Variants in DNAH14 observed in about 807,000 individuals in gnomAD.
DNAH14 encodes the protein axonemal beta dynein heavy chain 14.
Under a neutral mutation model 520.9 loss-of-function variants are expected in DNAH14, and 478 were observed. The observed-to-expected ratio is 0.92, with a 90% CI of 0.85 to 0.99. The LOEUF (loss-of-function observed/expected upper bound fraction) is 0.99. DNAH14 is among the 50% of genes least tolerant of loss of function. The probability of loss-of-function intolerance (pLI) is 0.00; values close to 1 mark genes in which losing one functional copy is unlikely to be tolerated. For synonymous variants in DNAH14, 1,581 were observed against 1,757.2 expected (o/e 0.90, Z 2.51); for missense variants, 4,831 against 5,234.5 (o/e 0.92, Z 2.38).
In DNAH14 at chr1:225,020,596, G is replaced by A. The variant is rs1282829512; in HGVS notation, c.1108-3019G>A. On this transcript the variant is annotated intron_variant, in intron 10 of 85. Coordinates refer to ENST00000682510, the MANE Select transcript of DNAH14 (RefSeq NM_001367479.1). ...GAAATTAAATTCCTGGAAACACATAGCCTCCCAAGATTAAACCAGGAAGAA... is the reference window on the plus strand; with the variant it reads ...GAAATTAAATTCCTGGAAACACATAACCTCCCAAGATTAAACCAGGAAGAA... Among the ~76,000 whole-genome samples the A allele has an allele frequency of 2.0e-5, 3 of 149,480 alleles. No homozygotes were observed. The Admixed American group carries it at 2.0e-4, about 10-fold the overall frequency.
chr1:225,233,943 C>G (rs1231690290), intron 42 of DNAH14, among the ~76,000 whole-genome samples: 1 of 152,134 alleles, frequency 6.6e-6, no homozygotes, highest in Non-Finnish European at 1.5e-5. Context: ...AGTCTTTAAT[C>G]TATCTTGAGT....
intron 8 of DNAH14, among the ~76,000 whole-genome samples, chr1:224,986,318 T>TAAAAAAAAAA (rs59261709): frequency 1.0e-4 from 9 of 87,838 alleles, no homozygotes; most frequent in South Asian, 7.4e-4. Flanking sequence ...AAAGGCTTAT[T>TAAAAAAAAAA]AAAAAAAAAA....
chr1:224,964,502 A>G lies in DNAH14; in HGVS notation c.391A>G (p.Arg131Gly), dbSNP rs2061035207. The change falls in exon 5 of 86, where the codon AGA becomes GGA. Residue 131 changes from arginine (R) to glycine (G), a missense_variant. Transcript: ENST00000682510. ...AGAACCAAAAGATGATGATGTGATAAGAAATATTATTAGGCTACGAGAAAA... is the reference window on the plus strand; with the variant it reads ...AGAACCAAAAGATGATGATGTGATAGGAAATATTATTAGGCTACGAGAAAA... The part of the protein sequence containing the change: ...RTEPKDDDVI[R>G]NIIRLREKLG... 1.2e-6 allele frequency: 2 copies of G among 1,609,178 alleles called. No individual in the cohort carries two copies. The highest frequency in any genetic ancestry group is 1.7e-4 in the Middle Eastern group (1 of 6,052).
intron 74 of DNAH14, among the ~76,000 whole-genome samples, chr1:225,360,064 G>A (rs1160869973): frequency 6.6e-6 from 1 of 152,148 alleles, no homozygotes; most frequent in African/African-American, 2.4e-5. Flanking sequence ...TGTTCTCATT[G>A]CTCAGTTCCC....
intron 1 of DNAH14, among the ~76,000 whole-genome samples, chr1:224,947,936 AGT>A (rs2059948235): frequency 6.6e-6 from 1 of 152,084 alleles, no homozygotes; most frequent in African/African-American, 2.4e-5. Flanking sequence ...GTTGACTTAC[AGT>A]ATGATCCAGT....
chr1:225,306,495 G>A (rs1032313883), intron 58 of DNAH14, among the ~76,000 whole-genome samples: 1 of 152,164 alleles, frequency 6.6e-6, no homozygotes, highest in African/African-American at 2.4e-5. Context: ...CTACAGGCAA[G>A]CGTCAAGAGA....
chr1:225,041,735 C>T (rs2067498355), intron 12 of DNAH14, among the ~76,000 whole-genome samples: 1 of 47,920 alleles, frequency 2.1e-5, no homozygotes. Context: ...TGATTTAATG[C>T]AAAATATTTA....
At chr1:225,291,215 T>C (rs554043490) in intron 55 of DNAH14, among the ~76,000 whole-genome samples, 6 of 152,288 alleles carry the variant, frequency 3.9e-5, no homozygotes, top group African/African-American at 1.4e-4. Context: ...ATGGCTGAAT[T>C]GTATTTTATG....
At chr1:225,027,443 T>C (rs1248679876) in intron 11 of DNAH14, among the ~76,000 whole-genome samples, 1 of 152,120 alleles carries the variant, frequency 6.6e-6, no homozygotes, top group Non-Finnish European at 1.5e-5. Context: ...ATTAGTTTGT[T>C]GTCATATTGT....
At chr1:224,983,143 G>A (rs1262539194) in intron 8 of DNAH14, among the ~76,000 whole-genome samples, 1 of 152,068 alleles carries the variant, frequency 6.6e-6, no homozygotes, top group East Asian at 1.9e-4. Flanking sequence ...CCAGTGTTAG[G>A]TGCATATATG....
intron 10 of DNAH14, among the ~76,000 whole-genome samples, chr1:225,012,090 G>A (rs780092670): frequency 6.6e-5 from 10 of 152,128 alleles, no homozygotes; most frequent in South Asian, 2.1e-4. Flanking sequence ...GGCTGGTACC[G>A]GTTTTTCCTT....
chr1:224,957,954 G>A (rs2060615917), intron 3 of DNAH14, among the ~76,000 whole-genome samples: 1 of 152,040 alleles, frequency 6.6e-6, no homozygotes, highest in African/African-American at 2.4e-5. Flanking sequence ...AAAGAAAAAA[G>A]GAGTAGTTAA....
At chr1:225,266,407 AAT>A (rs2093120061) in intron 48 of DNAH14, among the ~76,000 whole-genome samples, 2 of 152,152 alleles carry the variant, frequency 1.3e-5, no homozygotes, top group Admixed American at 1.3e-4. Context: ...ATAGAAGGTG[AAT>A]AGAGTGTCTG....
At chr1:224,998,981 A>C (rs2063570589) in intron 8 of DNAH14, among the ~76,000 whole-genome samples, 1 of 151,268 alleles carries the variant, frequency 6.6e-6, no homozygotes, top group South Asian at 2.1e-4. Context: ...TGGTGGATTG[A>C]TGCTTTTAAC....
chr1:225,344,478 T>C (rs79000238), intron 69 of DNAH14, among the ~76,000 whole-genome samples: 1 of 152,114 alleles, frequency 6.6e-6, no homozygotes, highest in African/African-American at 2.4e-5. Flanking sequence ...AAATATGCAG[T>C]GTTTAGTTTT....
intron 65 of DNAH14, 130 bp downstream of exon 65, chr1:225,331,707 G>C: frequency 8.0e-7 from 1 of 1,252,900 alleles, no homozygotes; most frequent in Non-Finnish European, 1.1e-6. Context: ...TTTCTTATTG[G>C]GATCAGTAGA....
At chr1:225,140,605 T>C in intron 27 of DNAH14, 163 bp from the exon 28 acceptor site, 1 of 560,714 alleles carries the variant, frequency 1.8e-6, no homozygotes, top group Non-Finnish European at 3.0e-6. Flanking sequence ...ATTCAATCTT[T>C]AGCCCTCAAA....
chr1:225,390,160 G>T (rs771987921), intron 83 of DNAH14, among the ~76,000 whole-genome samples: 3 of 152,120 alleles, frequency 2.0e-5, no homozygotes, highest in Non-Finnish European at 4.4e-5. Flanking sequence ...TGATGTCAAA[G>T]GTCAACATTA....
chr1:225,206,978 A>G lies in DNAH14; in HGVS notation c.6197A>G (p.Asp2066Gly), dbSNP rs1248340440. Residue 2066 changes from aspartate to glycine, a missense_variant, in exon 41 of 86, where the codon GAT becomes GGT. Physicochemically the swap from Asp to Gly is moderately conservative, Grantham distance 94. Transcript: ENST00000682510. ...GCTCCTTATTATTAGGATCCTGTTG[A>G]TCTGGGATGGGAACCTTATGTTAAG... ...RCAMVYMDPV[D>G]LGWEPYVKSW... 2.0e-6 allele frequency: 3 copies of G among 1,497,388 alleles called. No homozygotes were observed. The highest frequency in any genetic ancestry group is 2.8e-5 in the African/African-American group (2 of 70,188). 92.8% of individuals were successfully genotyped at this position (1,497,388 alleles called of 1,614,324 possible). A position where few individuals can be genotyped will look rare whatever the true frequency, so the allele number is the denominator to read the frequency against.
Sources: allele counts gnomAD v4.1 joint callset (sites outside exome capture counted in the v4.1 genomes callset), GRCh38; gene constraint gnomAD v4.1.1; transcripts MANE v1.5; gene names NCBI Gene and HGNC (gene_info 2026-07-23, HGNC 2026-07-21).